The following ADGRD1 variants were observed in gnomAD, a reference collection of about 807,000 sequenced individuals.
ADGRD1 encodes the protein adhesion G protein-coupled receptor D1.
ADGRD1 carries 77 observed loss-of-function variants against 113.4 expected under a neutral mutation model. The ratio of observed to expected loss-of-function variants is 0.68; its 90% CI spans 0.57 to 0.82. The LOEUF (loss-of-function observed/expected upper bound fraction) is 0.82, where lower values mean the gene tolerates loss of function less well. Among genes scored for constraint, ADGRD1 ranks in the 40% least tolerant of loss-of-function variants. The probability of loss-of-function intolerance (pLI) is 0.00; values close to 1 mark genes in which losing one functional copy is unlikely to be tolerated. For missense variants in ADGRD1, 1,036 were observed against 1,139.1 expected, an observed-to-expected ratio of 0.91 and a Z score of 1.30; for synonymous variants, 474 against 475.0, an observed-to-expected ratio of 1.00 and a Z score of 0.03.
intron 13 of ADGRD1, among the ~76,000 whole-genome samples, chr12:131,033,598 G>A (rs937270964): frequency 5.9e-5 from 9 of 152,216 alleles, no homozygotes; most frequent in African/African-American, 2.2e-4. Context: ...ACGGGAGTGT[G>A]TGTCCCTCTT....
intron 13 of ADGRD1, among the ~76,000 whole-genome samples, chr12:131,034,019 G>C (rs147646914): frequency 1.3e-5 from 2 of 152,294 alleles, no homozygotes; most frequent in Non-Finnish European, 2.9e-5. Flanking sequence ...CTTGCCCCTG[G>C]TTTCACTGTC....
In ADGRD1 at chr12:131,117,304, G is replaced by C. The variant is rs528437276; in HGVS notation, c.2042-1081G>C. Among the ~76,000 whole-genome samples, 5 of 152,288 alleles carry C rather than the reference G, an allele frequency of 3.3e-5. No homozygotes were observed. The East Asian group carries it at 7.7e-4, about 24-fold the overall frequency. On this transcript the variant is annotated intron_variant, in intron 18 of 24. Transcript: ENST00000261654. Reference sequence around the variant, plus strand: ...TTGTCACACTCAGTTTCAAGTAATAGAAATCCAACTTGAACTGGCTAAGGC... The same window carrying C: ...TTGTCACACTCAGTTTCAAGTAATACAAATCCAACTTGAACTGGCTAAGGC...
intron 20 of ADGRD1, among the ~76,000 whole-genome samples, chr12:131,129,358 A>T (rs1950845110): frequency 8.8e-6 from 1 of 113,536 alleles, no homozygotes; most frequent in Non-Finnish European, 1.7e-5. Flanking sequence ...GGTGTGAGTG[A>T]CAGGCTGGCC....
chr12:131,105,136 C>CT (rs1261486420), intron 16 of ADGRD1, among the ~76,000 whole-genome samples: 4 of 152,222 alleles, frequency 2.6e-5, no homozygotes, highest in Non-Finnish European at 5.9e-5. Flanking sequence ...GGCCATGGGC[C>CT]TGGGGACACC....
At chr12:130,998,143 C>G (rs563382560) in intron 8 of ADGRD1, among the ~76,000 whole-genome samples, 67 of 148,882 alleles carry the variant, frequency 4.5e-4, no homozygotes, top group African/African-American at 1.6e-3. Context: ...AGCTTCGGCT[C>G]GGCATCAGAG....
intron 17 of ADGRD1, 128 bp from the exon 18 acceptor site, chr12:131,108,596 C>A: frequency 1.5e-6 from 2 of 1,310,598 alleles, no homozygotes; most frequent in Non-Finnish European, 2.2e-6. Context: ...AGGAAGATAC[C>A]CTGGGAAGAA....
In ADGRD1 at chr12:130,971,643, T is replaced by C. The variant is rs186911900; in HGVS notation, c.310+63T>C. 427 of 1,522,084 alleles carry C rather than the reference T, an allele frequency of 2.8e-4. 1 individual carries two copies. In the African/African-American group the frequency reaches 5.0e-3, roughly 18 times the overall value. The allele number at this position is 1,522,084 out of a possible 1,614,324, so 94.3% of individuals were successfully genotyped here. On this transcript the variant is annotated intron_variant, in intron 4 of 24. Transcript: ENST00000261654. The surrounding 1 kb of genome is among the most constrained non-coding windows in gnomAD (Gnocchi z 4.2). Reference sequence around the variant, plus strand: ...TTCATTCTCAGGGAGCACCTGCTCCTCTGGTGACTGGAAGATGTGAACCTG... The same window carrying C: ...TTCATTCTCAGGGAGCACCTGCTCCCCTGGTGACTGGAAGATGTGAACCTG...
chr12:130,977,410 G>C (rs893257074), intron 4 of ADGRD1: 1 of 152,306 alleles, frequency 6.6e-6, no homozygotes, highest in South Asian at 2.1e-4. Flanking sequence ...TTAAAGGCTC[G>C]ATATGCAAAC....
chr12:130,955,410 G>T (rs1053803592), intron 2 of ADGRD1, among the ~76,000 whole-genome samples: 3 of 152,258 alleles, frequency 2.0e-5, no homozygotes, highest in South Asian at 2.1e-4. Context: ...CCTTGCTCCA[G>T]CCCCAGAGCC....
intron 17 of ADGRD1, 129 bp from the exon 18 acceptor site, chr12:131,108,595 C>A: frequency 7.7e-7 from 1 of 1,296,552 alleles, no homozygotes. Context: ...CAGGAAGATA[C>A]CCTGGGAAGA....
chr12:131,080,371 A>T (rs959799977), intron 14 of ADGRD1, among the ~76,000 whole-genome samples: 8 of 152,208 alleles, frequency 5.3e-5, no homozygotes, highest in African/African-American at 1.7e-4. Context: ...TAAATTTGTT[A>T]AAAGTTTTTA....
intron 15 of ADGRD1, among the ~76,000 whole-genome samples, chr12:131,092,968 G>A (rs1887015425): frequency 1.3e-5 from 2 of 151,644 alleles, no homozygotes; most frequent in South Asian, 2.1e-4. Flanking sequence ...TGCTGGAGGC[G>A]AGTGGCTACC....
rs1477291078 is a variant in ADGRD1 at position 130,987,168 on chromosome 12, G to A, written c.564G>A (p.Leu188=). The A allele has an allele frequency of 6.2e-7, 1 of 1,614,144 alleles. No individual in the cohort carries two copies. ...EGLKVYVNGT[L]STSDPSGKVS... ...TGAAAGTCTACGTCAACGGGACCCT[G>A]AGCACCTCTGATCCGAGTGGAAAAG... The change falls in exon 6 of 25, where the codon CTG becomes CTA. Residue 188 remains leucine, a synonymous_variant. Coordinates refer to ENST00000261654, the MANE Select transcript of ADGRD1 (RefSeq NM_198827.5).
chr12:131,001,718 G>A (rs544687574), intron 9 of ADGRD1, among the ~76,000 whole-genome samples: 7 of 152,258 alleles, frequency 4.6e-5, no homozygotes, highest in South Asian at 4.2e-4. Flanking sequence ...TCTGTCTTCC[G>A]GTGCTGGCTT....
At chr12:131,012,018 G>C (rs1877980607) in intron 12 of ADGRD1, among the ~76,000 whole-genome samples, 1 of 152,204 alleles carries the variant, frequency 6.6e-6, no homozygotes, top group Non-Finnish European at 1.5e-5. Context: ...GGTGGGGACT[G>C]AGCCCACGCA....
At chr12:130,997,605 G>T (rs1216473009) in intron 8 of ADGRD1, among the ~76,000 whole-genome samples, 2 of 151,712 alleles carry the variant, frequency 1.3e-5, no homozygotes. Flanking sequence ...CTCAGACGAT[G>T]GGCGGCCGGG....
chr12:131,137,218 T>C lies in ADGRD1; in HGVS notation c.2436+204T>C, dbSNP rs1177178010. On this transcript the variant is annotated intron_variant, in intron 23 of 24. Coordinates refer to ENST00000261654, the MANE Select transcript of ADGRD1 (RefSeq NM_198827.5). Reference sequence around the variant, plus strand: ...CTCCCCGCCTAGTTGCTAAGCGATATGCAAGCATCCTCTCTCCCTGGAGAA... The same window carrying C: ...CTCCCCGCCTAGTTGCTAAGCGATACGCAAGCATCCTCTCTCCCTGGAGAA... The C allele has an allele frequency of 8.2e-6, 5 of 608,248 alleles. No individual in the cohort carries two copies. In the Admixed American group the frequency reaches 1.1e-4, roughly 13 times the overall value. The allele number at this position is 608,248 out of a possible 1,614,324, so 37.7% of individuals were successfully genotyped here.
intron 13 of ADGRD1, among the ~76,000 whole-genome samples, chr12:131,045,108 G>C (rs1882546938): frequency 6.6e-6 from 1 of 152,252 alleles, no homozygotes; most frequent in South Asian, 2.1e-4. Flanking sequence ...CTGTCCAGGG[G>C]GCCTCCAGGC....
chr12:131,131,376 A>C (rs1471927927), intron 20 of ADGRD1, among the ~76,000 whole-genome samples: 2 of 152,190 alleles, frequency 1.3e-5, no homozygotes, highest in African/African-American at 2.4e-5. Context: ...CACCTGGGGC[A>C]CTGAGGCTCC....
Sources: allele counts gnomAD v4.1 joint callset (sites outside exome capture counted in the v4.1 genomes callset), GRCh38; gene constraint gnomAD v4.1.1; non-coding constraint Gnocchi (gnomAD v3.1); transcripts MANE v1.5; gene names NCBI Gene and HGNC (gene_info 2026-07-23, HGNC 2026-07-21).